TASP1: variants seen among roughly 807,000 people sequenced by gnomAD.
TASP1 encodes threonine aspartase 1.
Under a neutral mutation model 56.6 loss-of-function variants are expected in TASP1, and 16 were observed. That is an observed-to-expected ratio of 0.28 (90% CI 0.19 to 0.43). The LOEUF (loss-of-function observed/expected upper bound fraction) is 0.43, where lower values mean the gene tolerates loss of function less well. Among genes scored for constraint, TASP1 ranks in the 20% least tolerant of loss-of-function variants. TASP1 has a pLI of 1.00. For synonymous variants in TASP1, 179 were observed against 184.2 expected, an observed-to-expected ratio of 0.97 and a Z score of 0.23; for missense variants, 393 against 511.6, an observed-to-expected ratio of 0.77 and a Z score of 2.24.
At chr20:13,182,197 C>T in the TASP1 span, among the ~76,000 whole-genome samples, 9 of 152,274 alleles carry the variant, frequency 5.9e-5, 1 homozygote, top group African/African-American at 2.2e-4. Flanking sequence ...TCCTTCATTG[C>T]CTGTCAAACT....
At chr20:13,283,143 C>A in the TASP1 span, among the ~76,000 whole-genome samples, 1 of 152,168 alleles carries the variant, frequency 6.6e-6, no homozygotes, top group Non-Finnish European at 1.5e-5. Flanking sequence ...TGGGCTCAAG[C>A]AGTCCTCCCA....
At chr20:13,624,421 A>G (rs1451690915) in intron 3 of TASP1, among the ~76,000 whole-genome samples, 1 of 152,116 alleles carries the variant, frequency 6.6e-6, no homozygotes, top group African/African-American at 2.4e-5. Context: ...CTGTAACAAA[A>G]TATTCTTATT....
At chr20:13,340,035 G>A in the TASP1 span, among the ~76,000 whole-genome samples, 1 of 152,044 alleles carries the variant, frequency 6.6e-6, no homozygotes, top group South Asian at 2.1e-4. Context: ...TCACCTGGCT[G>A]TCTCTACTAC....
At chr20:13,571,887 A>G (rs185670500) in intron 6 of TASP1, among the ~76,000 whole-genome samples, 20 of 152,082 alleles carry the variant, frequency 1.3e-4, no homozygotes, top group Admixed American at 1.3e-3. Flanking sequence ...CAGGGTCTTC[A>G]CCCTGAATGT....
intron 12 of TASP1, among the ~76,000 whole-genome samples, chr20:13,432,285 G>A (rs1215317766): frequency 6.6e-6 from 1 of 152,172 alleles, no homozygotes; most frequent in Non-Finnish European, 1.5e-5. Flanking sequence ...TCACAGCAAG[G>A]GGTCACAAGT....
chr20:13,230,465 C>T, the TASP1 span, among the ~76,000 whole-genome samples: 1 of 152,088 alleles, frequency 6.6e-6, no homozygotes, highest in Non-Finnish European at 1.5e-5. Context: ...CATTTTAGTG[C>T]TTTCTGTGGT....
chr20:13,613,281 G>C (rs2048411487), intron 4 of TASP1, among the ~76,000 whole-genome samples: 2 of 152,074 alleles, frequency 1.3e-5, no homozygotes, highest in Non-Finnish European at 1.5e-5. Context: ...CAGAAAGCAA[G>C]GTCAGAAAGA....
the TASP1 span, among the ~76,000 whole-genome samples, chr20:13,262,546 T>C: frequency 6.6e-6 from 1 of 152,090 alleles, no homozygotes; most frequent in Non-Finnish European, 1.5e-5. Context: ...GAATAATTTA[T>C]CCTTCATTTC....
chr20:13,196,812 T>C, the TASP1 span, among the ~76,000 whole-genome samples: 1 of 152,178 alleles, frequency 6.6e-6, no homozygotes, highest in Non-Finnish European at 1.5e-5. Flanking sequence ...CATATCTCCA[T>C]TACTCAGTGT....
chr20:13,462,717 T>G (rs2044100089), intron 11 of TASP1, among the ~76,000 whole-genome samples: 1 of 152,142 alleles, frequency 6.6e-6, no homozygotes. Flanking sequence ...TGAACTCGAT[T>G]TCTATATACT....
the TASP1 span, among the ~76,000 whole-genome samples, chr20:13,146,184 C>T: frequency 6.6e-6 from 1 of 152,084 alleles, no homozygotes; most frequent in Non-Finnish European, 1.5e-5. Flanking sequence ...AACATAAAAC[C>T]AAATACCACA....
intron 7 of TASP1, among the ~76,000 whole-genome samples, chr20:13,566,874 A>G (rs2046547243): frequency 6.6e-6 from 1 of 152,222 alleles, no homozygotes; most frequent in Non-Finnish European, 1.5e-5. Flanking sequence ...GTGGTAATTC[A>G]TCAAAGAGCT....
At chr20:13,509,070 A>T (rs937942598) in intron 10 of TASP1, among the ~76,000 whole-genome samples, 3 of 151,936 alleles carry the variant, frequency 2.0e-5, no homozygotes, top group African/African-American at 7.3e-5. Context: ...CACAATAGCC[A>T]AGATATGGAA....
the TASP1 span, among the ~76,000 whole-genome samples, chr20:13,192,300 G>C: frequency 1.8e-4 from 27 of 152,276 alleles, no homozygotes; most frequent in Non-Finnish European, 2.9e-5. Context: ...AATTTGGGAG[G>C]CCAGAGAGGG....
At chr20:13,492,952 G>A (rs1269952635) in intron 10 of TASP1, among the ~76,000 whole-genome samples, 1 of 152,052 alleles carries the variant, frequency 6.6e-6, no homozygotes, top group East Asian at 1.9e-4. Context: ...CACGGTGCTA[G>A]ACATATAGTA....
At chr20:13,179,410 T>C in the TASP1 span, among the ~76,000 whole-genome samples, 1 of 150,572 alleles carries the variant, frequency 6.6e-6, no homozygotes, top group Non-Finnish European at 1.5e-5. Context: ...TATGTGCGTG[T>C]GTGTGTGTGT....
the TASP1 span, among the ~76,000 whole-genome samples, chr20:13,280,503 A>C: frequency 2.0e-5 from 3 of 152,110 alleles, no homozygotes; most frequent in South Asian, 2.1e-4. Flanking sequence ...TTAAAATAAT[A>C]AAAGTTCATT....
At chr20:13,638,367 C>G (rs946081334) in intron 1 of TASP1, among the ~76,000 whole-genome samples, 4 of 151,958 alleles carry the variant, frequency 2.6e-5, no homozygotes, top group African/African-American at 7.3e-5. Context: ...TGCTTTCCCC[C>G]CCTCCTCTCC....
intron 11 of TASP1, among the ~76,000 whole-genome samples, chr20:13,472,396 G>A (rs2146434647): frequency 6.6e-6 from 1 of 151,034 alleles, no homozygotes; most frequent in Non-Finnish European, 1.5e-5. Flanking sequence ...AGAAAACCTA[G>A]GCAATACCAT....
Sources: gnomAD v4.1 joint callset for allele counts (sites outside exome capture counted in the v4.1 genomes callset) on GRCh38, gnomAD v4.1.1 for gene constraint, MANE v1.5 for transcripts, NCBI Gene and HGNC (gene_info 2026-07-23, HGNC 2026-07-21) for gene names.